Variants in NSD3 observed in about 807,000 individuals in gnomAD.
NSD3 encodes histone-lysine N-methyltransferase NSD3.
NSD3 carries 24 observed loss-of-function variants against 160.8 expected under a neutral mutation model. The ratio of observed to expected loss-of-function variants is 0.15; its 90% confidence interval spans 0.11 to 0.21. NSD3 has a LOEUF of 0.21. Among genes scored for constraint, NSD3 ranks in the 10% least tolerant of loss-of-function variants. The pLI is 1.00. For synonymous variants in NSD3, 520 were observed against 600.0 expected (o/e 0.87, Z 1.95); for missense variants, 1,157 against 1,735.9 (o/e 0.67, Z 5.93).
chr8:38,280,665 G>A (rs774006106), intron 20 of NSD3, among the ~76,000 whole-genome samples: 9 of 151,956 alleles, frequency 5.9e-5, no homozygotes, highest in Non-Finnish European at 1.2e-4. Flanking sequence ...TGAGATAATG[G>A]ATGTACTGTG....
chr8:38,370,740 C>T (rs907606865), intron 1 of NSD3, among the ~76,000 whole-genome samples: 2 of 151,930 alleles, frequency 1.3e-5, no homozygotes, highest in African/African-American at 4.8e-5. Flanking sequence ...GTTATATAAC[C>T]CCGTCAACAT....
At position 38,270,882 on chromosome 8, in the gene NSD3, C is replaced by T. The variant is rs1808445745; in HGVS notation, c.*4759G>A. The T allele has an allele frequency of 6.6e-6, 1 of 152,180 alleles. No individual in the cohort carries two copies. Among genetic ancestry groups the T allele is most frequent in the Non-Finnish European group, 1.5e-5 (1 of 68,038 alleles). 9.4% of individuals were successfully genotyped at this position (152,180 alleles called of 1,614,324 possible). A position where few individuals can be genotyped will look rare whatever the true frequency, so the allele number is the denominator to read the frequency against. ...TTCATACATACGTGCCACAAGCACC[C>T]AAACTTGTCACTTATGCAATGGACT... is the stretch of plus-strand genomic sequence containing the variant. On this transcript the variant is annotated 3_prime_UTR_variant, in exon 24 of 24. Transcript: ENST00000317025.
At chr8:38,369,603 G>A (rs1811189612) in intron 1 of NSD3, among the ~76,000 whole-genome samples, 1 of 152,100 alleles carries the variant, frequency 6.6e-6, no homozygotes, top group Admixed American at 6.6e-5. Context: ...TCAACTATGT[G>A]TCTGGTACAG....
chr8:38,312,383 C>A (rs1231324695), intron 12 of NSD3, among the ~76,000 whole-genome samples: 1 of 152,172 alleles, frequency 6.6e-6, no homozygotes, highest in African/African-American at 2.4e-5. Flanking sequence ...TGGAAGAATT[C>A]TCCTGGATTC....
rs1252649446 is a variant in NSD3 at position 38,274,616 on chromosome 8, T to C, written c.*1025A>G. 6.6e-6 allele frequency: 1 copy of C among 152,218 alleles called. No individual in the cohort carries two copies. Among genetic ancestry groups the C allele is most frequent in the African/African-American group, 2.4e-5 (1 of 41,462 alleles). 9.4% of individuals were successfully genotyped at this position (152,218 alleles called of 1,614,324 possible). On this transcript the variant is annotated 3_prime_UTR_variant, in exon 24 of 24. Transcript: ENST00000317025. ...GGTTTTACCAGGAAACATGACTGAA[T>C]GGTCAGATGACAAAAGAAATGTTTG...
At chr8:38,296,819 C>T (rs1809161735) in intron 15 of NSD3, among the ~76,000 whole-genome samples, 1 of 151,912 alleles carries the variant, frequency 6.6e-6, no homozygotes, top group South Asian at 2.1e-4. Flanking sequence ...TCAAGCAATC[C>T]TCCTGCCTCA....
At chr8:38,306,972 G>A (rs778312427) in intron 12 of NSD3, among the ~76,000 whole-genome samples, 7 of 151,694 alleles carry the variant, frequency 4.6e-5, no homozygotes, top group African/African-American at 7.3e-5. Flanking sequence ...AAAATTAGCC[G>A]GGTGTGGTGG....
intron 1 of NSD3, among the ~76,000 whole-genome samples, chr8:38,378,074 A>G (rs1262831175): frequency 6.6e-6 from 1 of 152,230 alleles, no homozygotes; most frequent in Admixed American, 6.5e-5. Flanking sequence ...GTGGAGAAGA[A>G]TGCTAACTTT....
chr8:38,281,657 A>T, intron 19 of NSD3, 74 bp from the exon 20 acceptor site: 1 of 846,250 alleles, frequency 1.2e-6, no homozygotes, highest in Non-Finnish European at 1.8e-6. Flanking sequence ...CACATGTATA[A>T]CCCAAAATAA....
chr8:38,381,472 T>C (rs1811556487), intron 1 of NSD3: 1 of 129,142 alleles, frequency 7.7e-6, no homozygotes, highest in Non-Finnish European at 1.6e-5. Flanking sequence ...CCCTCCCCGA[T>C]CCATCCTTAT....
At chr8:38,285,888 C>T (rs1399450335) in intron 19 of NSD3, among the ~76,000 whole-genome samples, 2 of 151,862 alleles carry the variant, frequency 1.3e-5, no homozygotes, top group Admixed American at 6.6e-5. Flanking sequence ...TCCACGTCAC[C>T]ATTGTCTTTC....
rs1426067826 is a variant in NSD3 at position 38,347,784 on chromosome 8, G to C, written c.388C>G (p.Pro130Ala). The C allele has an allele frequency of 2.5e-6, 4 of 1,613,688 alleles. No homozygotes were observed. The South Asian group carries it at 4.4e-5, about 18-fold the overall frequency. Residue 130 changes from proline (P) to alanine (A), a missense_variant, in exon 2 of 24, where the codon CCT becomes GCT. This residue lies in a region of NSD3 where 121 missense variants were observed against 177.2 expected (regional missense o/e 0.68). Transcript: ENST00000317025. ...RPHEILEKPS[P>A]PQPPPPPSVP... ...GAAGGAGGAGGTGGTGGCTGTGGAG[G>C]GGAAGGTTTTTCCAGAATTTCATGT...
intron 12 of NSD3, among the ~76,000 whole-genome samples, chr8:38,307,129 T>TAAAAAAAAAAAAAAAAAAA (rs538303392): frequency 7.4e-6 from 1 of 135,412 alleles, no homozygotes. Flanking sequence ...AAAAAAAAAA[T>TAAAAAAAAAAAAAAAAAAA]AAAATAAAAT....
Position 38,347,879 on chromosome 8 carries a change from T to A in NSD3, c.293A>T (p.Asn98Ile). The A allele has an allele frequency of 3.7e-6, 6 of 1,614,224 alleles. No homozygotes were observed. Among genetic ancestry groups the A allele is most frequent in the Non-Finnish European group, 5.1e-6 (6 of 1,180,042 alleles). ...SYNQYPNGSA[N>I]GFGAVRNFSP... Reference sequence around the variant, plus strand: ...AAAGTTTCTAACTGCACCAAAGCCATTGGCTGACCCATTAGGATACTGATT... The same window carrying A: ...AAAGTTTCTAACTGCACCAAAGCCAATGGCTGACCCATTAGGATACTGATT... Residue 98 changes from asparagine to isoleucine, a missense_variant, in exon 2 of 24, where the codon AAT becomes ATT. Asn to Ile is a moderately radical substitution (Grantham distance 149). Coordinates refer to ENST00000317025, the MANE Select transcript of NSD3 (RefSeq NM_023034.2).
At chr8:38,309,539 G>A (rs1809484647) in intron 12 of NSD3, among the ~76,000 whole-genome samples, 2 of 152,072 alleles carry the variant, frequency 1.3e-5, no homozygotes, top group Admixed American at 1.3e-4. Context: ...AGTCCCTACA[G>A]CTAATCAGGA....
chr8:38,368,676 G>C (rs1413589016), intron 1 of NSD3, among the ~76,000 whole-genome samples: 1 of 152,070 alleles, frequency 6.6e-6, no homozygotes, highest in Non-Finnish European at 1.5e-5. Context: ...AAAACACCCT[G>C]TTTCCCTTAT....
At chr8:38,298,409 C>T (rs1289021489) in intron 15 of NSD3, among the ~76,000 whole-genome samples, 3 of 152,188 alleles carry the variant, frequency 2.0e-5, no homozygotes, top group African/African-American at 7.2e-5. Context: ...TTCCAATCGA[C>T]TTGCTTAGTC....
chr8:38,317,111 A>T lies in NSD3; in HGVS notation c.1856-1069T>A. 9.4e-7 allele frequency: 1 copy of T among 1,062,306 alleles called. No individual in the cohort carries two copies. The highest frequency in any genetic ancestry group is 1.1e-6 in the Non-Finnish European group (1 of 877,368). 65.8% of individuals were successfully genotyped at this position (1,062,306 alleles called of 1,614,324 possible). On this transcript the variant is annotated intron_variant, in intron 9 of 23. Transcript: ENST00000317025. This position sits in a 1 kb window ranked among gnomAD's most constrained non-coding sequence, Gnocchi z 5.3. ...AGCCCATGGAGAAACAAGTCTCCTG[A>T]GGCCATGAAGATCCGCAACAGGCTG...
intron 1 of NSD3, among the ~76,000 whole-genome samples, chr8:38,352,335 T>C (rs953274272): frequency 7.9e-5 from 12 of 151,978 alleles, no homozygotes; most frequent in African/African-American, 2.4e-4. Context: ...ACACAAGAAA[T>C]TGAACTGTAT....
Sources: gnomAD v4.1 joint callset for allele counts (sites outside exome capture counted in the v4.1 genomes callset) on GRCh38, gnomAD v4.1.1 for gene constraint, gnomAD v4.1.1 regional missense constraint, Gnocchi (gnomAD v3.1) non-coding constraint, MANE v1.5 for transcripts, NCBI Gene and HGNC (gene_info 2026-07-23, HGNC 2026-07-21) for gene names.